Variants in MRPL11 observed in about 807,000 individuals in gnomAD.
MRPL11 encodes large ribosomal subunit protein uL11m.
In MRPL11, 21 loss-of-function variants were observed where a neutral mutation model predicts 19.1. The ratio of observed to expected loss-of-function variants is 1.10; its 90% CI spans 0.78 to 1.58. The LOEUF is 1.58. Ranked by LOEUF, MRPL11 falls within the 40% of genes most tolerant of loss-of-function variation. The pLI, the probability that MRPL11 is intolerant of heterozygous loss-of-function variation, is 0.00. For synonymous variants in MRPL11, 108 were observed against 99.7 expected (o/e 1.08, Z -0.49); for missense variants, 242 against 243.9 (o/e 0.99, Z 0.05).
At chr11:66,438,358 G>C in intron 1 of MRPL11, 99 bp from the exon 2 acceptor site, 1 of 1,071,596 alleles carries the variant, frequency 9.3e-7, no homozygotes, top group Non-Finnish European at 1.4e-6. Flanking sequence ...CACTTCTCTG[G>C]GTTCCCATCT....
Position 66,438,180 on chromosome 11 carries a change from G to A in MRPL11, c.203C>T (p.Thr68Ile). Residue 68 changes from threonine (T) to isoleucine (I), a missense_variant, in exon 2 of 5, where the codon ACC (threonine) becomes ATC (isoleucine). Coordinates refer to ENST00000310999, the MANE Select transcript of MRPL11 (RefSeq NM_016050.5). ...AGACTCCACCTTCACTAAAATCTTG[G>A]TAGGCAGAGGAATGCCTTCCTTGAT... Reference protein sequence around the residue: ...KDIKEGIPLPTKILVKPDRTF... With the variant: ...KDIKEGIPLPIKILVKPDRTF... The A allele has an allele frequency of 1.2e-6, 2 of 1,613,332 alleles. No individual in the cohort carries two copies. The highest frequency in any genetic ancestry group is 1.7e-6 in the Non-Finnish European group (2 of 1,179,284).
rs1416916795 is a variant in MRPL11, at chr11:66,437,355, T to C, written c.308A>G (p.Gln103Arg). 6.2e-7 allele frequency: 1 copy of C among 1,614,218 alleles called. No individual in the cohort carries two copies. Among genetic ancestry groups the C allele is most frequent in the African/African-American group, 1.3e-5 (1 of 75,042 alleles). Residue 103 changes from glutamine (Q) to arginine (R), a missense_variant, in exon 3 of 5, where the codon CAA becomes CGA. Gln to Arg is a conservative substitution (Grantham distance 43, BLOSUM62 1). Coordinates refer to ENST00000310999, the MANE Select transcript of MRPL11 (RefSeq NM_016050.5). ...AAAGIEKGAR[Q>R]TGKEVAGLVT... is the part of the protein sequence containing the mutation. ...ATGCTTACCCTGGCCCTCACCTGTT[T>C]GCCGGGCCCCCTTTTCAATCCCAGC...
rs1857046949 is a variant in MRPL11, at chr11:66,438,809, T to C, written c.-55A>G. 11 of 1,413,778 alleles carry C rather than the reference T, an allele frequency of 7.8e-6. No individual in the cohort carries two copies. Among genetic ancestry groups the C allele is most frequent in the South Asian group, 6.2e-5 (4 of 64,422 alleles). 87.6% of individuals were successfully genotyped at this position (1,413,778 alleles called of 1,614,324 possible). On this transcript the variant is annotated 5_prime_UTR_variant, in exon 1 of 5. Transcript: ENST00000310999. ...CAGGGGAGCAGCAAGAGCGAAGCTC[T>C]GGGCGCCACCATCTTGGGCCAGAGG...
chr11:66,435,571 G>A lies in MRPL11; in HGVS notation c.*436C>T, dbSNP rs921460606. The A allele has an allele frequency of 1.9e-5, 3 of 157,968 alleles. No homozygotes were observed. Among genetic ancestry groups the A allele is most frequent in the Non-Finnish European group, 4.2e-5 (3 of 71,580 alleles). 9.8% of individuals were successfully genotyped at this position (157,968 alleles called of 1,614,324 possible). A position where few individuals can be genotyped will look rare whatever the true frequency, so the allele number is the denominator to read the frequency against. On this transcript the variant is annotated 3_prime_UTR_variant, in exon 5 of 5. Coordinates refer to ENST00000310999, the MANE Select transcript of MRPL11 (RefSeq NM_016050.5). Reference sequence around the variant, plus strand: ...CCCTAGCAACCATAGTTCCCACCCTGGGGAGGGGAAGAACACAGGATTTCA... The same window carrying A: ...CCCTAGCAACCATAGTTCCCACCCTAGGGAGGGGAAGAACACAGGATTTCA...
In MRPL11 at chr11:66,435,167, A is replaced by AT. The variant is rs1856940823; in HGVS notation, c.*839dup. On this transcript the variant is annotated 3_prime_UTR_variant, in exon 5 of 5. Transcript: ENST00000310999. ...CAGTGTAAAATGAAGTGTCTAGCAC[A>AT]TAACAGATGGTCAGTAAATGCGAAT... The AT allele has an allele frequency of 6.6e-6, 1 of 152,262 alleles. No individual in the cohort carries two copies. The highest frequency in any genetic ancestry group is 2.4e-5 in the African/African-American group (1 of 41,470). 9.4% of individuals were successfully genotyped at this position (152,262 alleles called of 1,614,324 possible).
At chr11:66,436,780 C>A (rs1471297100) in intron 4 of MRPL11, 1 of 1,515,432 alleles carries the variant, frequency 6.6e-7, no homozygotes, top group Non-Finnish European at 9.2e-7. Flanking sequence ...AAAAGTCCTT[C>A]GCACTGGTCC....
chr11:66,435,985 C>G lies in MRPL11; in HGVS notation c.*22G>C. 1.9e-6 allele frequency: 3 copies of G among 1,594,204 alleles called. No homozygotes were observed. The highest frequency in any genetic ancestry group is 2.6e-6 in the Non-Finnish European group (3 of 1,163,312). On this transcript the variant is annotated 3_prime_UTR_variant, in exon 5 of 5. Coordinates refer to ENST00000310999, the MANE Select transcript of MRPL11 (RefSeq NM_016050.5). ...CTTTTGCAACTACCTCCTTTGAAAT[C>G]TGGGAGTTGGTGGGGCAAGGGTCAC...
Position 66,437,176 on chromosome 11 carries a change from T to A in MRPL11, c.401A>T (p.Asp134Val), listed in dbSNP as rs757345583. 6.2e-7 allele frequency: 1 copy of A among 1,614,184 alleles called. No individual in the cohort carries two copies. Among genetic ancestry groups the A allele is most frequent in the Admixed American group, 1.7e-5 (1 of 60,034 alleles). Residue 134 changes from aspartate (D) to valine (V), a missense_variant, in exon 4 of 5, where the codon GAT becomes GTT. Transcript: ENST00000310999. ...GCGGACAACAGACGACAGGGGTACA[T>A]CCTGCAGGGCAAATGCCTCATCCTG... is the stretch of plus-strand genomic sequence containing the variant. ...KAQDEAFALQ[D>V]VPLSSVVRSI... is the part of the protein sequence containing the mutation.
At position 66,435,737 on chromosome 11, in the gene MRPL11, G is replaced by A. The variant is rs149871130; in HGVS notation, c.*270C>T. On this transcript the variant is annotated 3_prime_UTR_variant, in exon 5 of 5. Transcript: ENST00000310999. ...GCTGAACCTCAGTTTGCACATCTGA[G>A]AAGCAGTATGAAGACCCCAATTTCC... is the stretch of plus-strand genomic sequence containing the variant. The A allele has an allele frequency of 5.2e-4, 171 of 328,808 alleles. 1 individual carries two copies. In the East Asian group the frequency reaches 8.6e-3, roughly 16 times the overall value. The allele number at this position is 328,808 out of a possible 1,614,324, so 20.4% of individuals were successfully genotyped here. A position where few individuals can be genotyped will look rare whatever the true frequency, so the allele number is the denominator to read the frequency against.
At position 66,435,387 on chromosome 11, in the gene MRPL11, T is replaced by C. The variant is rs1485308327; in HGVS notation, c.*620A>G. ...CCCAGAGCCAGGGTCAGGAGCTTAG[T>C]AGAAGGGCCTGAAGTAGCCCCTGGG... is the stretch of plus-strand genomic sequence containing the variant. On this transcript the variant is annotated 3_prime_UTR_variant, in exon 5 of 5. Coordinates refer to ENST00000310999, the MANE Select transcript of MRPL11 (RefSeq NM_016050.5). The C allele has an allele frequency of 2.0e-5, 3 of 152,264 alleles. No homozygotes were observed. Among genetic ancestry groups the C allele is most frequent in the African/African-American group, 7.2e-5 (3 of 41,450 alleles). 9.4% of individuals were successfully genotyped at this position (152,264 alleles called of 1,614,324 possible).
rs1371609588 is a variant in MRPL11, at chr11:66,435,481, A to C, written c.*526T>G. On this transcript the variant is annotated 3_prime_UTR_variant, in exon 5 of 5. Coordinates refer to ENST00000310999, the MANE Select transcript of MRPL11 (RefSeq NM_016050.5). The stretch of plus-strand genomic sequence containing the variant: ...GATCTCCACAGGGACTTGTTTCTGC[A>C]GAGGTGGCAAGTTGTTCAGAGATAA... The C allele has an allele frequency of 1.3e-5, 2 of 153,208 alleles. No individual in the cohort carries two copies. The highest frequency in any genetic ancestry group is 2.9e-5 in the Non-Finnish European group (2 of 68,768). The allele number at this position is 153,208 out of a possible 1,614,324, so 9.5% of individuals were successfully genotyped here.
intron 2 of MRPL11, 117 bp from the exon 3 acceptor site, chr11:66,437,560 A>G (rs1857009856): frequency 1.1e-6 from 1 of 903,688 alleles, no homozygotes; most frequent in Admixed American, 2.3e-5. Context: ...CCTCAAAAAG[A>G]CCACAGAATC....
chr11:66,436,379 A>T (rs1408098738), intron 4 of MRPL11, among the ~76,000 whole-genome samples: 3 of 152,130 alleles, frequency 2.0e-5, no homozygotes, highest in African/African-American at 7.2e-5. Context: ...CCCAGTCCAG[A>T]TTAACTGGGG....
chr11:66,436,642 C>T (rs187647643), intron 4 of MRPL11, among the ~76,000 whole-genome samples: 4 of 152,236 alleles, frequency 2.6e-5, no homozygotes, highest in East Asian at 3.9e-4. Flanking sequence ...TCTGTCCCGG[C>T]GGTTGTCTAG....
intron 1 of MRPL11, 64 bp from the exon 2 acceptor site, chr11:66,438,323 C>T: frequency 3.8e-6 from 5 of 1,306,608 alleles, no homozygotes; most frequent in Non-Finnish European, 5.5e-6. Context: ...GCCCAGGAGG[C>T]GCCGTCCGTT....
In MRPL11 at chr11:66,435,873, T is replaced by C. The variant is rs2134658272; in HGVS notation, c.*134A>G. On this transcript the variant is annotated 3_prime_UTR_variant, in exon 5 of 5. Transcript: ENST00000310999. ...TGTTTATTCAGGCCTGATGCCTCGA[T>C]ACAGCTAGATGTACAAAAATATATC... 3 of 666,600 alleles carry C rather than the reference T, an allele frequency of 4.5e-6. No individual in the cohort carries two copies. In the South Asian group the frequency reaches 5.3e-5, roughly 12 times the overall value. The allele number at this position is 666,600 out of a possible 1,614,324, so 41.3% of individuals were successfully genotyped here.
chr11:66,436,844 G>T (rs1339321500), intron 4 of MRPL11: 1 of 1,613,900 alleles, frequency 6.2e-7, no homozygotes, highest in Admixed American at 1.7e-5. Flanking sequence ...AGGTCACACT[G>T]AACTTCTCCC....
intron 4 of MRPL11, chr11:66,436,698 C>G (rs578055908): frequency 1.3e-6 from 1 of 748,814 alleles, no homozygotes; most frequent in South Asian, 1.7e-5. Flanking sequence ...GAAACAATTC[C>G]TGAAGTCATC....
Position 66,437,109 on chromosome 11 carries a change from C to T in MRPL11, c.468G>A (p.Val156=), listed in dbSNP as rs748443271. 1.2e-6 allele frequency: 2 copies of T among 1,614,060 alleles called. No individual in the cohort carries two copies. The highest frequency in any genetic ancestry group is 3.3e-5 in the Admixed American group (2 of 60,028). Residue 156 remains valine (V), a synonymous_variant, in exon 4 of 5, where the codon GTG becomes GTA. Coordinates refer to ENST00000310999, the MANE Select transcript of MRPL11 (RefSeq NM_016050.5). ...GSARSLGIRV[V]KDLSSEELAA... is the part of the protein sequence containing the mutation. The stretch of plus-strand genomic sequence containing the variant: ...GCACATGCCAGGATACTTACTCCTT[C>T]ACCACGCGAATGCCCAGAGAACGGG...
Sources: gnomAD v4.1 joint callset for allele counts (sites outside exome capture counted in the v4.1 genomes callset) on GRCh38, gnomAD v4.1.1 for gene constraint, MANE v1.5 for transcripts, NCBI Gene and HGNC (gene_info 2026-07-23, HGNC 2026-07-21) for gene names.